NEMP2: variants seen among roughly 807,000 people sequenced by gnomAD.
NEMP2 encodes the protein nuclear envelope integral membrane protein 2, also known as UPF0571 transmembrane protein.
NEMP2 carries 53 observed loss-of-function variants against 54.2 expected under a neutral mutation model. That is an observed-to-expected ratio of 0.98 (90% CI 0.78 to 1.23). The LOEUF is 1.23. Among genes scored for constraint, NEMP2 ranks in the 50% most tolerant of loss-of-function variants. The pLI, the probability that NEMP2 is intolerant of heterozygous loss-of-function variation, is 0.00. For missense variants in NEMP2, 455 were observed against 511.3 expected (o/e 0.89, Z 1.06); for synonymous variants, 197 against 190.3 (o/e 1.04, Z -0.29).
chr2:190,606,009 T>C, the NEMP2 span, among the ~76,000 whole-genome samples: 1 of 152,202 alleles, frequency 6.6e-6, no homozygotes, highest in African/African-American at 2.4e-5. Context: ...AGATCCTGAA[T>C]AAATGTTGTT....
chr2:190,437,042 C>T, the NEMP2 span: 2 of 1,614,028 alleles, frequency 1.2e-6, no homozygotes, highest in Admixed American at 1.7e-5. This position sits in a 1 kb window ranked among gnomAD's most constrained non-coding sequence, Gnocchi z 5.9. Flanking sequence ...TGGGGCCTGG[C>T]GATGCTGTCT....
At chr2:190,478,984 A>T in the NEMP2 span, among the ~76,000 whole-genome samples, 1 of 152,190 alleles carries the variant, frequency 6.6e-6, no homozygotes, top group African/African-American at 2.4e-5. Context: ...AGCCCCCGCT[A>T]CCCAGCCCTT....
chr2:190,631,263 T>C, the NEMP2 span, among the ~76,000 whole-genome samples: 1 of 152,182 alleles, frequency 6.6e-6, no homozygotes, highest in South Asian at 2.1e-4. Flanking sequence ...AGCAGGATGA[T>C]CACACAACAT....
the NEMP2 span, among the ~76,000 whole-genome samples, chr2:190,546,057 T>A: frequency 2.6e-5 from 4 of 152,236 alleles, no homozygotes; most frequent in Admixed American, 6.5e-5. This position sits in a 1 kb window ranked among gnomAD's most constrained non-coding sequence, Gnocchi z 5.1. Context: ...ATCTATTTGT[T>A]CTACACTGTT....
chr2:190,597,305 GA>G, the NEMP2 span, among the ~76,000 whole-genome samples: 1 of 151,612 alleles, frequency 6.6e-6, no homozygotes, highest in African/African-American at 2.4e-5. This position sits in a 1 kb window ranked among gnomAD's most constrained non-coding sequence, Gnocchi z 4.7. Flanking sequence ...TAGACTGTGT[GA>G]AGAGTTAGGA....
At chr2:190,492,043 A>T in the NEMP2 span, among the ~76,000 whole-genome samples, 1 of 152,242 alleles carries the variant, frequency 6.6e-6, no homozygotes, top group South Asian at 2.1e-4. The surrounding 1 kb of genome is among the most constrained non-coding windows in gnomAD (Gnocchi z 5.2). Context: ...ACAGAATCGA[A>T]GAAGCAGAAG....
the NEMP2 span, among the ~76,000 whole-genome samples, chr2:190,459,489 A>T: frequency 0.88 from 133,866 of 152,178 alleles, 59,694 homozygotes; most frequent in East Asian, 1. The surrounding 1 kb of genome is among the most constrained non-coding windows in gnomAD (Gnocchi z 5.3). Flanking sequence ...TGTGTGTGTG[A>T]ATATGTTCAG....
At chr2:190,491,822 C>CAA in the NEMP2 span, among the ~76,000 whole-genome samples, 1 of 152,064 alleles carries the variant, frequency 6.6e-6, no homozygotes, top group African/African-American at 2.4e-5. The surrounding 1 kb of genome is among the most constrained non-coding windows in gnomAD (Gnocchi z 4.2). Flanking sequence ...CTCTGACTTC[C>CAA]CTGAAAAAGA....
chr2:190,433,552 TA>T, the NEMP2 span, among the ~76,000 whole-genome samples: 1 of 152,222 alleles, frequency 6.6e-6, no homozygotes, highest in Non-Finnish European at 1.5e-5. This position sits in a 1 kb window ranked among gnomAD's most constrained non-coding sequence, Gnocchi z 4.5. Context: ...ACATTGTGAA[TA>T]TAGTAAATTA....
the NEMP2 span, among the ~76,000 whole-genome samples, chr2:190,552,999 A>T: frequency 6.6e-5 from 10 of 152,152 alleles, no homozygotes; most frequent in African/African-American, 2.2e-4. Context: ...TTTACACAAA[A>T]CTTTGGTACA....
the NEMP2 span, among the ~76,000 whole-genome samples, chr2:190,438,555 T>C: frequency 6.6e-6 from 1 of 152,226 alleles, no homozygotes; most frequent in South Asian, 2.1e-4. The surrounding 1 kb of genome is among the most constrained non-coding windows in gnomAD (Gnocchi z 5.2). Context: ...TGTTTCTTGT[T>C]GTGTACTATT....
At chr2:190,448,555 C>G in the NEMP2 span, among the ~76,000 whole-genome samples, 1 of 152,102 alleles carries the variant, frequency 6.6e-6, no homozygotes, top group Non-Finnish European at 1.5e-5. Flanking sequence ...GGGAAAAAAG[C>G]AGGTTTCAAA....
the NEMP2 span, among the ~76,000 whole-genome samples, chr2:190,427,181 G>A: frequency 1.3e-5 from 2 of 152,252 alleles, no homozygotes; most frequent in East Asian, 3.9e-4. Flanking sequence ...TGGGTTGGCA[G>A]TCCAGGCTTC....
chr2:190,587,979 C>T, the NEMP2 span, among the ~76,000 whole-genome samples: 1 of 152,136 alleles, frequency 6.6e-6, no homozygotes, highest in East Asian at 1.9e-4. This position sits in a 1 kb window ranked among gnomAD's most constrained non-coding sequence, Gnocchi z 5.4. Flanking sequence ...AATCTACCTA[C>T]CAGTGTGGGC....
At chr2:190,496,093 G>A in the NEMP2 span, among the ~76,000 whole-genome samples, 1 of 151,524 alleles carries the variant, frequency 6.6e-6, no homozygotes, top group South Asian at 2.1e-4. The surrounding 1 kb of genome is among the most constrained non-coding windows in gnomAD (Gnocchi z 4.7). Context: ...CTATATATCC[G>A]ACAAAGGACT....
chr2:190,622,870 T>C, the NEMP2 span, among the ~76,000 whole-genome samples: 1 of 152,018 alleles, frequency 6.6e-6, no homozygotes, highest in Admixed American at 6.5e-5. Context: ...AAATAAAGAA[T>C]ATCCAAATTA....
the NEMP2 span, among the ~76,000 whole-genome samples, chr2:190,479,578 C>A: frequency 4.6e-5 from 7 of 152,154 alleles, no homozygotes; most frequent in African/African-American, 1.7e-4. Flanking sequence ...AAAGCCCAAA[C>A]TTGTTATTCT....
At position 190,531,241 on chromosome 2, in the gene NEMP2, A is replaced by C. The variant is rs983876049; in HGVS notation, c.97+3318T>G. On this transcript the variant is annotated intron_variant, in intron 1 of 8. Transcript: ENST00000409150. This position sits in a 1 kb window ranked among gnomAD's most constrained non-coding sequence, Gnocchi z 4.7. ...GTATTTAATATGTCCGTACCCTGGA[A>C]GGTGCTCCATAACCTAGGTAATCAC... Among the ~76,000 whole-genome samples the C allele has an allele frequency of 2.6e-5, 4 of 152,212 alleles. No individual in the cohort carries two copies. Among genetic ancestry groups the C allele is most frequent in the Admixed American group, 1.3e-4 (2 of 15,280 alleles).
the NEMP2 span, among the ~76,000 whole-genome samples, chr2:190,599,153 TGC>T: frequency 1.3e-5 from 2 of 152,216 alleles, no homozygotes; most frequent in Non-Finnish European, 2.9e-5. Flanking sequence ...GGTTAACTAC[TGC>T]AAAAGTTATC....
Sources: allele counts gnomAD v4.1 joint callset (sites outside exome capture counted in the v4.1 genomes callset), GRCh38; gene constraint gnomAD v4.1.1; non-coding constraint Gnocchi (gnomAD v3.1); transcripts MANE v1.5; gene names NCBI Gene and HGNC (gene_info 2026-07-23, HGNC 2026-07-21).